Variants in ZSCAN4 observed in about 807,000 individuals in gnomAD.
ZSCAN4 encodes zinc finger and SCAN domain containing 4.
In ZSCAN4, 18 loss-of-function variants were observed where a neutral mutation model predicts 18.3. That is an observed-to-expected ratio of 0.98 (90% CI 0.68 to 1.46). ZSCAN4 has a LOEUF of 1.46. Among genes scored for constraint, ZSCAN4 ranks in the 40% most tolerant of loss-of-function variants. The probability of loss-of-function intolerance (pLI) is 0.00; values close to 1 mark genes in which losing one functional copy is unlikely to be tolerated. For synonymous variants in ZSCAN4, 193 were observed against 180.3 expected (o/e 1.07, Z -0.57); for missense variants, 498 against 511.4 (o/e 0.97, Z 0.25).
chr19:57,654,545 A>G, the ZSCAN4 span, among the ~76,000 whole-genome samples: 1 of 152,122 alleles, frequency 6.6e-6, no homozygotes, highest in Non-Finnish European at 1.5e-5. Flanking sequence ...GCAAGCCCAA[A>G]TTCTCAAGCC....
the ZSCAN4 span, among the ~76,000 whole-genome samples, chr19:57,653,391 A>G: frequency 2.0e-5 from 2 of 101,206 alleles, no homozygotes; most frequent in East Asian, 5.6e-4. Context: ...CATCTCAAAG[A>G]AAAAAAAAAA....
upstream of ZSCAN4, among the ~76,000 whole-genome samples, chr19:57,663,988 C>T (rs563500923): frequency 6.6e-6 from 1 of 151,706 alleles, no homozygotes; most frequent in South Asian, 2.1e-4. Context: ...AACAATTAGC[C>T]GGGCTAGCTG....
intron 2 of ZSCAN4, among the ~76,000 whole-genome samples, chr19:57,675,075 C>T (rs1984138293): frequency 6.6e-6 from 1 of 151,006 alleles, no homozygotes; most frequent in South Asian, 2.1e-4. Flanking sequence ...CTGCCTCCAC[C>T]ACTGAAGTAG....
chr19:57,668,511 G>A (rs900929530), upstream of ZSCAN4, among the ~76,000 whole-genome samples: 2 of 152,116 alleles, frequency 1.3e-5, no homozygotes, highest in Non-Finnish European at 2.9e-5. Context: ...GTGATAGGGG[G>A]ACAATCTAAG....
upstream of ZSCAN4, chr19:57,664,760 A>C: frequency 1.4e-5 from 3 of 220,386 alleles, no homozygotes; most frequent in Non-Finnish European, 2.9e-5. Context: ...AACAGATGGA[A>C]TCCCTGGTCC....
At chr19:57,651,490 C>G in the ZSCAN4 span, among the ~76,000 whole-genome samples, 1 of 152,118 alleles carries the variant, frequency 6.6e-6, no homozygotes, top group African/African-American at 2.4e-5. Context: ...TACAACAAGC[C>G]CAGACCTCTC....
At chr19:57,672,605 T>C (rs1170558971) in intron 2 of ZSCAN4, among the ~76,000 whole-genome samples, 3 of 32,130 alleles carry the variant, frequency 9.3e-5, no homozygotes, top group East Asian at 9.7e-4. Context: ...CATAGTTATC[T>C]TTTTTTTTTT....
intron 2 of ZSCAN4, among the ~76,000 whole-genome samples, chr19:57,671,401 C>T (rs572939557): frequency 1.3e-5 from 2 of 149,980 alleles, no homozygotes; most frequent in East Asian, 2.0e-4. Flanking sequence ...CAAGTGTGAA[C>T]ATGTGGTCTG....
the ZSCAN4 span, among the ~76,000 whole-genome samples, chr19:57,655,110 A>G: frequency 1.3e-5 from 2 of 152,170 alleles, no homozygotes; most frequent in African/African-American, 4.8e-5. Context: ...AATCCCTAAT[A>G]TTCAGGCCAT....
At chr19:57,664,674 C>T (rs1278455322), upstream of ZSCAN4, 4 of 217,828 alleles carry the variant, frequency 1.8e-5, no homozygotes, top group African/African-American at 9.2e-5. Flanking sequence ...TCCAATTTCC[C>T]CCTAAATCGC....
intron 2 of ZSCAN4, among the ~76,000 whole-genome samples, chr19:57,670,925 A>G (rs1021265444): frequency 2.6e-5 from 4 of 151,344 alleles, no homozygotes; most frequent in East Asian, 1.9e-4. Flanking sequence ...AGTAGCCCCA[A>G]TCACAGCTCA....
the ZSCAN4 span, among the ~76,000 whole-genome samples, chr19:57,659,365 A>G: frequency 6.6e-6 from 1 of 151,924 alleles, no homozygotes; most frequent in South Asian, 2.1e-4. Context: ...TAATGAAAAA[A>G]TGACCTGACC....
upstream of ZSCAN4, among the ~76,000 whole-genome samples, chr19:57,668,784 A>C (rs775150933): frequency 6.6e-6 from 1 of 152,054 alleles, no homozygotes; most frequent in Non-Finnish European, 1.5e-5. Context: ...AATATGCACC[A>C]ATTTCTCCCT....
chr19:57,673,735 C>CTGATGA (rs571394865), intron 2 of ZSCAN4, among the ~76,000 whole-genome samples: 4 of 152,006 alleles, frequency 2.6e-5, no homozygotes, highest in East Asian at 3.9e-4. Flanking sequence ...ACTTTATTTT[C>CTGATGA]TGATGATGAT....
upstream of ZSCAN4, chr19:57,664,268 T>A (rs1983795805): frequency 7.0e-6 from 1 of 141,914 alleles, no homozygotes; most frequent in Admixed American, 7.0e-5. Flanking sequence ...GGGGTCGGGG[T>A]CGGGCGCGGC....
the ZSCAN4 span, among the ~76,000 whole-genome samples, chr19:57,656,704 T>C: frequency 6.6e-6 from 1 of 152,252 alleles, no homozygotes; most frequent in Non-Finnish European, 1.5e-5. Flanking sequence ...AACCTCTATC[T>C]AATAAATGAT....
At chr19:57,658,555 C>T in the ZSCAN4 span, among the ~76,000 whole-genome samples, 6 of 152,132 alleles carry the variant, frequency 3.9e-5, no homozygotes, top group African/African-American at 7.2e-5. Context: ...TACTTCCTGC[C>T]GGGTGCAGTG....
chr19:57,671,067 G>T (rs1984007449), intron 2 of ZSCAN4, among the ~76,000 whole-genome samples: 1 of 151,926 alleles, frequency 6.6e-6, no homozygotes, highest in African/African-American at 2.4e-5. Context: ...TTGCCATGTT[G>T]CCCAGTGTGG....
At chr19:57,678,172 A>G in exon 5 of ZSCAN4, 1 of 1,613,296 alleles carries the variant, frequency 6.2e-7, no homozygotes, top group South Asian at 1.1e-5. Context: ...ACAGGATATG[A>G]AGATGAACAA....
Sources: allele counts gnomAD v4.1 joint callset (sites outside exome capture counted in the v4.1 genomes callset), GRCh38; gene constraint gnomAD v4.1.1; transcripts MANE v1.5; gene names NCBI Gene and HGNC (gene_info 2026-07-23, HGNC 2026-07-21).